Variants in ATP23 observed in about 807,000 individuals in gnomAD.
ATP23 encodes the protein mitochondrial inner membrane protease ATP23 homolog.
Under a neutral mutation model 28.5 loss-of-function variants are expected in ATP23, and 24 were observed. The observed-to-expected ratio is 0.84, with a 90% confidence interval of 0.61 to 1.18. ATP23 has a LOEUF of 1.18. ATP23 is among the 50% of genes most tolerant of loss of function. The pLI is 0.00. For synonymous variants in ATP23, 99 were observed against 108.6 expected, an observed-to-expected ratio of 0.91 and a Z score of 0.55; for missense variants, 274 against 306.4, an observed-to-expected ratio of 0.89 and a Z score of 0.79.
intron 1 of ATP23, among the ~76,000 whole-genome samples, chr12:57,945,002 T>C (rs1956745995): frequency 6.6e-6 from 1 of 152,234 alleles, no homozygotes; most frequent in African/African-American, 2.4e-5. Flanking sequence ...GGTACTGTGC[T>C]GTTGTTCACT....
chr12:57,950,436 C>T (rs1489651409), intron 3 of ATP23, among the ~76,000 whole-genome samples: 1 of 152,130 alleles, frequency 6.6e-6, no homozygotes, highest in East Asian at 1.9e-4. Context: ...TCAAATTTCA[C>T]TTCTATTCCT....
chr12:57,953,435 C>G (rs927966710), intron 4 of ATP23, among the ~76,000 whole-genome samples, 171 bp from the exon 5 acceptor site: 1 of 152,122 alleles, frequency 6.6e-6, no homozygotes, highest in Non-Finnish European at 1.5e-5. Context: ...TATTTGCTCT[C>G]GTTGTCAATA....
At chr12:57,956,210 C>T (rs917147695) in intron 5 of ATP23, among the ~76,000 whole-genome samples, 3 of 152,144 alleles carry the variant, frequency 2.0e-5, no homozygotes, top group African/African-American at 7.2e-5. Flanking sequence ...TGTATGGTTT[C>T]CTGTTGCCTC....
chr12:57,955,099 A>G (rs528984599), intron 5 of ATP23, among the ~76,000 whole-genome samples: 1 of 152,130 alleles, frequency 6.6e-6, no homozygotes, highest in Non-Finnish European at 1.5e-5. Flanking sequence ...TAGAGAAGAG[A>G]ATAATGTGGT....
At chr12:57,955,278 A>ATT (rs1442929120) in intron 5 of ATP23, among the ~76,000 whole-genome samples, 6 of 114,402 alleles carry the variant, frequency 5.2e-5, no homozygotes, top group African/African-American at 2.5e-4. Context: ...GAAATAGAGC[A>ATT]TGTTTTTTTT....
chr12:57,951,714 A>G, intron 3 of ATP23, 44 bp from the exon 4 acceptor site: 1 of 1,605,396 alleles, frequency 6.2e-7, no homozygotes, highest in Non-Finnish European at 8.5e-7. Context: ...CTATGGAAGG[A>G]GATTTTAGAA....
Position 57,951,802 on chromosome 12 carries a change from CAG to C in ATP23, c.363_364del (p.Arg121SerfsTer11). The C allele has an allele frequency of 6.2e-7, 1 of 1,614,112 alleles. No homozygotes were observed. Among genetic ancestry groups the C allele is most frequent in the South Asian group, 1.1e-5 (1 of 91,084 alleles). ...NNIHNQAHMN[R>X]VVTHELIHAF... is the part of the protein sequence containing the mutation. The stretch of plus-strand genomic sequence containing the variant: ...ATATCCATAATCAGGCCCATATGAA[CAG>C]AGTGGTCACACACGAGCTTATTCAT... On this transcript the variant is annotated frameshift_variant, in exon 4 of 6. Transcript: ENST00000300145. LOFTEE classifies it high-confidence loss of function.
chr12:57,953,516 T>C, intron 4 of ATP23, 90 bp from the exon 5 acceptor site: 1 of 1,058,916 alleles, frequency 9.4e-7, no homozygotes, highest in Non-Finnish European at 1.4e-6. Flanking sequence ...TAATTTTATA[T>C]TCTTTTCTAA....
In ATP23 at chr12:57,941,606, C is replaced by T; in HGVS notation, c.-96C>T. 1.3e-6 allele frequency: 2 copies of T among 1,490,814 alleles called. No individual in the cohort carries two copies. The highest frequency in any genetic ancestry group is 1.3e-5 in the South Asian group (1 of 77,396). 92.3% of individuals were successfully genotyped at this position (1,490,814 alleles called of 1,614,324 possible). ...GCCCTTCTTCCCTGCGGAGGGAGGG[C>T]CTGGGCGGTCGCGTTGGCGGGAGGG... On this transcript the variant is annotated 5_prime_UTR_variant, in exon 1 of 6. Coordinates refer to ENST00000300145, the MANE Select transcript of ATP23 (RefSeq NM_033276.4).
rs751305049 is a variant in ATP23 at position 57,956,942 on chromosome 12, A to T, written c.*52A>T. On this transcript the variant is annotated 3_prime_UTR_variant, in exon 6 of 6. Coordinates refer to ENST00000300145, the MANE Select transcript of ATP23 (RefSeq NM_033276.4). ...GCTTCCATCATCATGAAGAAAAAAA[A>T]ATTTGGTTCTCAAGTGAACAAACAT... 6.6e-7 allele frequency: 1 copy of T among 1,504,884 alleles called. No individual in the cohort carries two copies. Among genetic ancestry groups the T allele is most frequent in the East Asian group, 2.4e-5 (1 of 42,520 alleles). 93.2% of individuals were successfully genotyped at this position (1,504,884 alleles called of 1,614,324 possible).
rs1956702482 is a variant in ATP23 at position 57,941,625 on chromosome 12, G to A, written c.-77G>A. 1 of 1,531,060 alleles carries A rather than the reference G, an allele frequency of 6.5e-7. No homozygotes were observed. The allele number at this position is 1,531,060 out of a possible 1,614,324, so 94.8% of individuals were successfully genotyped here. A position where few individuals can be genotyped will look rare whatever the true frequency, so the allele number is the denominator to read the frequency against. ...GGAGGGCCTGGGCGGTCGCGTTGGC[G>A]GGAGGGAGGTTACCTTTCCCAGTCT... On this transcript the variant is annotated 5_prime_UTR_variant, in exon 1 of 6. Transcript: ENST00000300145.
At chr12:57,947,450 A>G (rs1956773312) in intron 3 of ATP23, among the ~76,000 whole-genome samples, 1 of 152,198 alleles carries the variant, frequency 6.6e-6, no homozygotes, top group African/African-American at 2.4e-5. Context: ...AGTGCATGCT[A>G]CGAAACTGCA....
chr12:57,943,408 G>A (rs555820049), intron 1 of ATP23, among the ~76,000 whole-genome samples: 1 of 152,158 alleles, frequency 6.6e-6, no homozygotes, highest in Admixed American at 6.5e-5. Context: ...GGCTGGGTAC[G>A]GTGGCTCATG....
intron 1 of ATP23, among the ~76,000 whole-genome samples, chr12:57,942,604 T>C (rs527339378): frequency 6.6e-6 from 1 of 152,234 alleles, no homozygotes; most frequent in South Asian, 2.1e-4. Flanking sequence ...TTTGTATTTT[T>C]AGTAGAGACG....
rs377173314 is a variant in ATP23 at position 57,946,991 on chromosome 12, T to C, written c.234-4T>C. 58 of 1,613,814 alleles carry C rather than the reference T, an allele frequency of 3.6e-5. No individual in the cohort carries two copies. Among genetic ancestry groups the C allele is most frequent in the Middle Eastern group, 1.7e-4 (1 of 6,058 alleles). Reference sequence around the variant, plus strand: ...GGACATTGTCTCCTTTTCTTGCCTTTTAGTGCTGTTAACAAAGATAGACAC... The same window carrying C: ...GGACATTGTCTCCTTTTCTTGCCTTCTAGTGCTGTTAACAAAGATAGACAC... On this transcript the variant is annotated splice_polypyrimidine_tract_variant and splice_region_variant and intron_variant, in intron 2 of 5. Coordinates refer to ENST00000300145, the MANE Select transcript of ATP23 (RefSeq NM_033276.4).
At chr12:57,949,880 C>T (rs1226422346) in intron 3 of ATP23, 1 of 152,440 alleles carries the variant, frequency 6.6e-6, no homozygotes, top group African/African-American at 2.4e-5. Context: ...CCCCACTCAA[C>T]CCAGTCTTTT....
intron 5 of ATP23, among the ~76,000 whole-genome samples, chr12:57,955,513 C>T (rs1956858430): frequency 6.6e-6 from 1 of 152,116 alleles, no homozygotes; most frequent in Non-Finnish European, 1.5e-5. Context: ...ATAGAAACAG[C>T]AAGTACAGTT....
At chr12:57,951,012 C>T (rs970466880) in intron 3 of ATP23, among the ~76,000 whole-genome samples, 1 of 152,236 alleles carries the variant, frequency 6.6e-6, no homozygotes, top group Non-Finnish European at 1.5e-5. Flanking sequence ...AAATATCTGG[C>T]ACATATCCCA....
In ATP23 at chr12:57,951,817, C is replaced by A; in HGVS notation, c.375C>A (p.His125Gln). The change falls in exon 4 of 6, where the codon CAC becomes CAA. Residue 125 changes from histidine (H) to glutamine (Q), a missense_variant. Transcript: ENST00000300145. Reference sequence around the variant, plus strand: ...CCCATATGAACAGAGTGGTCACACACGAGCTTATTCATGCATTTGATCATT... The same window carrying A: ...CCCATATGAACAGAGTGGTCACACAAGAGCTTATTCATGCATTTGATCATT... ...NQAHMNRVVTHELIHAFDHCR... is the reference protein window; with the variant it reads ...NQAHMNRVVTQELIHAFDHCR... 3 of 1,614,128 alleles carry A rather than the reference C, an allele frequency of 1.9e-6. No homozygotes were observed. The highest frequency in any genetic ancestry group is 2.5e-6 in the Non-Finnish European group (3 of 1,180,014).
Sources: gnomAD v4.1 joint callset for allele counts (sites outside exome capture counted in the v4.1 genomes callset) on GRCh38, gnomAD v4.1.1 for gene constraint, MANE v1.5 for transcripts, NCBI Gene and HGNC (gene_info 2026-07-23, HGNC 2026-07-21) for gene names.